The following PARD3B variants were observed in gnomAD, a reference collection of about 807,000 sequenced individuals.
The protein encoded by PARD3B is par-3 family cell polarity regulator beta, also known as partitioning defective 3 homolog B.
PARD3B carries 103 observed loss-of-function variants against 130.2 expected under a neutral mutation model. The observed-to-expected ratio is 0.79, with a 90% CI of 0.67 to 0.93. The LOEUF (loss-of-function observed/expected upper bound fraction) is 0.93, where lower values mean the gene tolerates loss of function less well. PARD3B is among the 40% of genes least tolerant of loss of function. The pLI is 0.00. For synonymous variants in PARD3B, 583 were observed against 553.2 expected (o/e 1.05, Z -0.76); for missense variants, 1,609 against 1,499.2 (o/e 1.07, Z -1.21).
chr2:204,838,348 AAT>A (rs1491347589), intron 2 of PARD3B, among the ~76,000 whole-genome samples: 1 of 121,328 alleles, frequency 8.2e-6, no homozygotes, highest in Non-Finnish European at 1.6e-5. Flanking sequence ...ATACCTGGCT[AAT>A]GTGTGTGTGT....
At chr2:205,371,157 C>T (rs140326993) in intron 18 of PARD3B, among the ~76,000 whole-genome samples, 22 of 152,226 alleles carry the variant, frequency 1.4e-4, no homozygotes, top group African/African-American at 5.1e-4. Flanking sequence ...TTTCCCATCA[C>T]TCTATTAGCT....
At chr2:204,592,467 A>G (rs748252542) in intron 1 of PARD3B, among the ~76,000 whole-genome samples, 2 of 152,258 alleles carry the variant, frequency 1.3e-5, no homozygotes, top group Non-Finnish European at 2.9e-5. Flanking sequence ...TAAAACATCC[A>G]AAGATGAAAA....
Position 205,446,597 on chromosome 2 carries a change from C to T in PARD3B, c.3044+5925C>T, listed in dbSNP as rs537583196. 2.0e-5 allele frequency among the ~76,000 whole-genome samples: 3 copies of T among 151,850 alleles called. No homozygotes were observed. Among genetic ancestry groups the T allele is most frequent in the Admixed American group, 1.3e-4 (2 of 15,246 alleles). ...GCGACTTCGGTCTCATACCTACTTG[C>T]TTCTCAAAGGTTGGCCCTGAACCTT... On this transcript the variant is annotated intron_variant, in intron 20 of 22. Transcript: ENST00000406610. The surrounding 1 kb of genome is among the most constrained non-coding windows in gnomAD (Gnocchi z 4.4).
At chr2:204,818,155 T>G (rs1325433585) in intron 2 of PARD3B, among the ~76,000 whole-genome samples, 1 of 152,190 alleles carries the variant, frequency 6.6e-6, no homozygotes, top group South Asian at 2.1e-4. Flanking sequence ...TTGGATAGTT[T>G]ATGGAATGAC....
chr2:205,028,793 C>T (rs967185503), intron 3 of PARD3B, among the ~76,000 whole-genome samples: 1 of 152,110 alleles, frequency 6.6e-6, no homozygotes, highest in African/African-American at 2.4e-5. Flanking sequence ...CCCAAAGAAA[C>T]TGTTAAAACT....
intron 3 of PARD3B, among the ~76,000 whole-genome samples, chr2:205,005,778 G>T (rs938308100): frequency 6.6e-6 from 1 of 152,154 alleles, no homozygotes; most frequent in African/African-American, 2.4e-5. Context: ...TTTTGATCTT[G>T]TGTGTGTCAA....
intron 4 of PARD3B, among the ~76,000 whole-genome samples, chr2:205,067,095 C>CTTTGTTT (rs1700432838): frequency 1.7e-5 from 1 of 59,712 alleles, no homozygotes; most frequent in Non-Finnish European, 3.1e-5. Context: ...TTTTACTAGG[C>CTTTGTTT]TTTTTTTTTT....
intron 4 of PARD3B, among the ~76,000 whole-genome samples, chr2:205,092,958 C>T (rs1164412250): frequency 2.0e-5 from 3 of 151,946 alleles, no homozygotes; most frequent in Non-Finnish European, 4.4e-5. Flanking sequence ...GAAACATAAC[C>T]AGCCAGGTAC....
chr2:204,641,472 A>C (rs919247644), intron 1 of PARD3B, among the ~76,000 whole-genome samples: 19 of 152,102 alleles, frequency 1.2e-4, no homozygotes, highest in African/African-American at 4.6e-4. Context: ...TGCTTTTTGC[A>C]AAACTTTTGC....
chr2:204,553,128 A>G (rs530211627), intron 1 of PARD3B, among the ~76,000 whole-genome samples: 47 of 152,080 alleles, frequency 3.1e-4, no homozygotes, highest in African/African-American at 1.1e-3. Context: ...AAAAGAAGAT[A>G]TAGAAATGGC....
chr2:205,200,994 A>T (rs1271840540), intron 15 of PARD3B, among the ~76,000 whole-genome samples: 4 of 152,164 alleles, frequency 2.6e-5, no homozygotes, highest in African/African-American at 4.8e-5. Context: ...CAAAGGAGAA[A>T]ACAGCTCCAC....
intron 3 of PARD3B, among the ~76,000 whole-genome samples, chr2:205,039,294 T>C (rs560527901): frequency 6.6e-6 from 1 of 152,218 alleles, no homozygotes; most frequent in Admixed American, 6.5e-5. Context: ...AAAGACTGTG[T>C]ACTCTGGGAG....
chr2:205,357,191 G>A (rs2044226041), intron 18 of PARD3B, among the ~76,000 whole-genome samples: 1 of 152,174 alleles, frequency 6.6e-6, no homozygotes, highest in African/African-American at 2.4e-5. Flanking sequence ...TGTGGGAGGA[G>A]AGAAGGACAT....
At chr2:205,478,301 G>A (rs894379212) in intron 20 of PARD3B, among the ~76,000 whole-genome samples, 8 of 152,274 alleles carry the variant, frequency 5.3e-5, no homozygotes, top group African/African-American at 1.7e-4. Context: ...CTCCTCCCTA[G>A]TCCGTAATTT....
rs933636648 is a variant in PARD3B at position 204,784,133 on chromosome 2, C to T, written c.222+97851C>T. On this transcript the variant is annotated intron_variant, in intron 2 of 22. Transcript: ENST00000406610. ...GTGGGCTGTCTGCACACTTGATAAGCGAGTGATTGTTAAAGCAGGAGTAGT... is the reference window on the plus strand; with the variant it reads ...GTGGGCTGTCTGCACACTTGATAAGTGAGTGATTGTTAAAGCAGGAGTAGT... 4.6e-5 allele frequency among the ~76,000 whole-genome samples: 7 copies of T among 152,130 alleles called. 1 individual carries two copies. Among genetic ancestry groups the T allele is most frequent in the African/African-American group, 9.6e-5 (4 of 41,512 alleles).
chr2:204,762,320 GT>G (rs2125410248), intron 2 of PARD3B, among the ~76,000 whole-genome samples: 1 of 151,838 alleles, frequency 6.6e-6, no homozygotes, highest in Non-Finnish European at 1.5e-5. Context: ...CACCATGTTA[GT>G]CAGGATGGTC....
chr2:205,510,724 C>G (rs1295698689), intron 21 of PARD3B, among the ~76,000 whole-genome samples: 2 of 152,104 alleles, frequency 1.3e-5, no homozygotes, highest in East Asian at 1.9e-4. Flanking sequence ...ATACCAGGGT[C>G]CAGTTAAGCG....
chr2:205,493,892 G>A (rs2106326494), intron 20 of PARD3B, among the ~76,000 whole-genome samples: 1 of 152,030 alleles, frequency 6.6e-6, no homozygotes, highest in African/African-American at 2.4e-5. Context: ...CTAGTAGCTG[G>A]GATTACAGGT....
intron 21 of PARD3B, among the ~76,000 whole-genome samples, chr2:205,507,405 G>C (rs183255122): frequency 6.6e-6 from 1 of 151,486 alleles, no homozygotes; most frequent in Non-Finnish European, 1.5e-5. Context: ...TAGTAGAGAC[G>C]GGGTTTCACC....
Sources: allele counts gnomAD v4.1 joint callset (sites outside exome capture counted in the v4.1 genomes callset), GRCh38; gene constraint gnomAD v4.1.1; non-coding constraint Gnocchi (gnomAD v3.1); transcripts MANE v1.5; gene names NCBI Gene and HGNC (gene_info 2026-07-23, HGNC 2026-07-21).